LINC00305: variants seen among roughly 807,000 people sequenced by gnomAD.
The protein encoded by LINC00305 is long independently transcribed non-coding RNA 305, also known as long intergenic non-protein coding RNA 305.
chr18:64,102,007 T>G (rs754171575), intron 1 of LINC00305, among the ~76,000 whole-genome samples: 1 of 152,180 alleles, frequency 6.6e-6, no homozygotes, highest in Non-Finnish European at 1.5e-5. Flanking sequence ...TCAGTGTAAC[T>G]CCACACTAGA....
At chr18:64,123,398 A>C in intron 1 of LINC00305, among the ~76,000 whole-genome samples, 1 of 152,050 alleles carries the variant, frequency 6.6e-6, no homozygotes, top group East Asian at 1.9e-4. Context: ...AGGAATATTT[A>C]AGACTCATAA....
At chr18:64,108,035 G>A (rs900800668) in intron 1 of LINC00305, among the ~76,000 whole-genome samples, 1 of 152,176 alleles carries the variant, frequency 6.6e-6, no homozygotes, top group African/African-American at 2.4e-5. Flanking sequence ...GGTGATTGGT[G>A]TGCTACTGAT....
chr18:64,085,919 T>A (rs1221980746), intron 3 of LINC00305, among the ~76,000 whole-genome samples: 1 of 152,246 alleles, frequency 6.6e-6, no homozygotes, highest in African/African-American at 2.4e-5. Context: ...ATTGCCTTTC[T>A]TAAACTGATG....
chr18:64,143,949 T>C (rs1774566774), intron 1 of LINC00305, among the ~76,000 whole-genome samples: 1 of 152,102 alleles, frequency 6.6e-6, no homozygotes, highest in African/African-American at 2.4e-5. Flanking sequence ...TTTTTACAAA[T>C]ACAGGTGAAT....
At chr18:64,112,108 A>T (rs76393062) in intron 1 of LINC00305, among the ~76,000 whole-genome samples, 1 of 152,146 alleles carries the variant, frequency 6.6e-6, no homozygotes. Context: ...CTTCATTCTC[A>T]GTAAACACTG....
intron 1 of LINC00305, among the ~76,000 whole-genome samples, chr18:64,106,896 G>T (rs1171194970): frequency 6.6e-6 from 1 of 152,206 alleles, no homozygotes; most frequent in African/African-American, 2.4e-5. Context: ...CAGAAGAAAT[G>T]AAGGCTCCTG....
At chr18:64,132,781 G>A (rs1302377744) in intron 1 of LINC00305, among the ~76,000 whole-genome samples, 1 of 152,190 alleles carries the variant, frequency 6.6e-6, no homozygotes, top group Non-Finnish European at 1.5e-5. Flanking sequence ...GGTGTTTGCT[G>A]TGGGCATAGC....
At chr18:64,113,747 G>A (rs1206378192) in intron 1 of LINC00305, among the ~76,000 whole-genome samples, 1 of 152,158 alleles carries the variant, frequency 6.6e-6, no homozygotes, top group Non-Finnish European at 1.5e-5. Flanking sequence ...CAGATGTATA[G>A]AGAAGAGATC....
chr18:64,098,467 C>G (rs917426463), intron 2 of LINC00305: 2 of 412,504 alleles, frequency 4.8e-6, no homozygotes, highest in Non-Finnish European at 9.4e-6. Context: ...TTCATGTACT[C>G]ATAAGTAACA....
intron 1 of LINC00305, among the ~76,000 whole-genome samples, chr18:64,124,835 A>G (rs2051377888): frequency 1.3e-5 from 2 of 152,076 alleles, no homozygotes; most frequent in African/African-American, 4.8e-5. Flanking sequence ...AAGCACAGAG[A>G]GATTAAATAA....
intron 1 of LINC00305, among the ~76,000 whole-genome samples, chr18:64,138,909 C>T (rs1440006841): frequency 6.6e-6 from 1 of 152,168 alleles, no homozygotes; most frequent in African/African-American, 2.4e-5. Flanking sequence ...TGACCCTATC[C>T]AAATGAATCA....
intron 1 of LINC00305, among the ~76,000 whole-genome samples, chr18:64,136,319 C>T (rs1170683392): frequency 6.6e-6 from 1 of 152,148 alleles, no homozygotes; most frequent in African/African-American, 2.4e-5. Context: ...ATGAAGAAAA[C>T]TTGAAACTGG....
chr18:64,131,680 G>T (rs2051410486), intron 1 of LINC00305, among the ~76,000 whole-genome samples: 1 of 152,188 alleles, frequency 6.6e-6, no homozygotes, highest in Non-Finnish European at 1.5e-5. Context: ...GCCTATGATG[G>T]TAATTTATAG....
At chr18:64,137,116 G>T (rs1312684600) in intron 1 of LINC00305, among the ~76,000 whole-genome samples, 1 of 152,142 alleles carries the variant, frequency 6.6e-6, no homozygotes, top group African/African-American at 2.4e-5. Context: ...GTCTTTCTAA[G>T]GGAGAGGATA....
At chr18:64,111,821 T>G (rs985060435) in intron 1 of LINC00305, among the ~76,000 whole-genome samples, 1 of 152,204 alleles carries the variant, frequency 6.6e-6, no homozygotes, top group African/African-American at 2.4e-5. Context: ...CTAAGGATTA[T>G]GAGAAGCTGG....
At chr18:64,086,739 T>C (rs1204491051) in intron 3 of LINC00305, among the ~76,000 whole-genome samples, 1 of 152,234 alleles carries the variant, frequency 6.6e-6, no homozygotes, top group Admixed American at 6.5e-5. Context: ...GATTTTCCCC[T>C]TGCTCTGTTA....
Position 64,081,802 on chromosome 18 carries a change from G to A in LINC00305, n.541-1400C>T, listed in dbSNP as rs77808930. Among the ~76,000 whole-genome samples the A allele has an allele frequency of 3.9e-5, 6 of 152,294 alleles. No homozygotes were observed. The East Asian group carries it at 7.7e-4, about 20-fold the overall frequency. Reference sequence around the variant, plus strand: ...ACATCTGGGGCGACAGCTAGCCCACGTAACGCCCTTGTACACAGTGGAGAA... The same window carrying A: ...ACATCTGGGGCGACAGCTAGCCCACATAACGCCCTTGTACACAGTGGAGAA... On this transcript the variant is annotated intron_variant and non_coding_transcript_variant, in intron 3 of 3. Transcript: ENST00000666468.
At chr18:64,117,151 T>C (rs188893511) in intron 1 of LINC00305, among the ~76,000 whole-genome samples, 27 of 152,332 alleles carry the variant, frequency 1.8e-4, no homozygotes, top group Admixed American at 5.2e-4. Flanking sequence ...GTGGTTCTTC[T>C]GTAGAGGCCC....
intron 3 of LINC00305, among the ~76,000 whole-genome samples, chr18:64,083,170 G>A (rs996266392): frequency 6.6e-6 from 1 of 151,690 alleles, no homozygotes; most frequent in East Asian, 1.9e-4. Context: ...TTTTAAAAAT[G>A]ACCTTTAGAA....
Sources: gnomAD v4.1 joint callset for allele counts (sites outside exome capture counted in the v4.1 genomes callset) on GRCh38, gnomAD v4.1.1 for gene constraint, MANE v1.5 for transcripts, NCBI Gene and HGNC (gene_info 2026-07-23, HGNC 2026-07-21) for gene names.